NOS1AP: variants seen among roughly 807,000 people sequenced by gnomAD.
NOS1AP encodes carboxyl-terminal PDZ ligand of neuronal nitric oxide synthase protein.
A neutral mutation model predicts 56.2 loss-of-function variants in NOS1AP; 21 were observed. The ratio of observed to expected loss-of-function variants is 0.37; its 90% CI spans 0.26 to 0.54. NOS1AP has a LOEUF of 0.54. NOS1AP is among the 20% of genes least tolerant of loss of function. The pLI, the probability that NOS1AP is intolerant of heterozygous loss-of-function variation, is 0.84. For synonymous variants in NOS1AP, 270 were observed against 274.6 expected (o/e 0.98, Z 0.17); for missense variants, 522 against 657.8 (o/e 0.79, Z 2.26).
chr1:162,264,469 C>CTCTTGT (rs1553200311), intron 2 of NOS1AP, among the ~76,000 whole-genome samples: 2 of 31,844 alleles, frequency 6.3e-5, no homozygotes, highest in Non-Finnish European at 9.1e-5. Flanking sequence ...TCTTCTCCTC[C>CTCTTGT]CCTCCCCTCC....
intron 5 of NOS1AP, among the ~76,000 whole-genome samples, chr1:162,333,906 A>AT (rs1638492821): frequency 6.6e-6 from 1 of 152,126 alleles, no homozygotes; most frequent in African/African-American, 2.4e-5. Context: ...ATGGAATCAT[A>AT]TTTTTTCCAT....
chr1:162,206,050 A>G (rs751750468), intron 2 of NOS1AP, among the ~76,000 whole-genome samples: 2 of 152,134 alleles, frequency 1.3e-5, no homozygotes, highest in Admixed American at 1.3e-4. Flanking sequence ...ATCTTTTCAC[A>G]TTTGGAAAGG....
intron 2 of NOS1AP, among the ~76,000 whole-genome samples, chr1:162,189,127 C>T (rs1035892078): frequency 2.6e-5 from 4 of 152,034 alleles, no homozygotes; most frequent in African/African-American, 4.8e-5. Context: ...TTTGAATTTG[C>T]ATTATAGTAT....
intron 2 of NOS1AP, among the ~76,000 whole-genome samples, chr1:162,236,360 A>T (rs1036087066): frequency 6.6e-6 from 1 of 152,230 alleles, no homozygotes; most frequent in African/African-American, 2.4e-5. Flanking sequence ...TGCTTTACAG[A>T]TACGATCTCA....
At chr1:162,207,105 G>T (rs1652187845) in intron 2 of NOS1AP, among the ~76,000 whole-genome samples, 1 of 152,342 alleles carries the variant, frequency 6.6e-6, no homozygotes, top group East Asian at 1.9e-4. Flanking sequence ...TTTGTTAAAT[G>T]TGCTAGTGAA....
chr1:162,338,227 G>A (rs1302377582), intron 5 of NOS1AP, among the ~76,000 whole-genome samples: 2 of 152,092 alleles, frequency 1.3e-5, no homozygotes, highest in Non-Finnish European at 2.9e-5. Flanking sequence ...TCAAATTTGA[G>A]TACCCAAAAG....
At chr1:162,201,671 TG>T (rs1452544875) in intron 2 of NOS1AP, among the ~76,000 whole-genome samples, 1 of 152,242 alleles carries the variant, frequency 6.6e-6, no homozygotes, top group African/African-American at 2.4e-5. Context: ...TATCTCATTG[TG>T]GTTTTGATTT....
chr1:162,265,229 T>A (rs12735034), intron 2 of NOS1AP, among the ~76,000 whole-genome samples: 1 of 151,848 alleles, frequency 6.6e-6, no homozygotes, highest in African/African-American at 2.4e-5. Context: ...GTTTTCTTTT[T>A]TTTTTTTTAT....
intron 1 of NOS1AP, among the ~76,000 whole-genome samples, chr1:162,076,594 G>A (rs999079596): frequency 2.6e-5 from 4 of 152,158 alleles, no homozygotes; most frequent in African/African-American, 9.7e-5. Flanking sequence ...GGCTGGGCGC[G>A]GTGGCTCACT....
At chr1:162,350,975 CT>C (rs1657471285) in intron 6 of NOS1AP, among the ~76,000 whole-genome samples, 1 of 152,180 alleles carries the variant, frequency 6.6e-6, no homozygotes, top group African/African-American at 2.4e-5. Context: ...CTCTTGATAC[CT>C]TTGCTTTCTG....
At chr1:162,289,526 G>A (rs1160070837) in intron 3 of NOS1AP, among the ~76,000 whole-genome samples, 1 of 139,722 alleles carries the variant, frequency 7.2e-6, no homozygotes, top group African/African-American at 2.7e-5. Flanking sequence ...CCAGGCTGGA[G>A]TGCAGTGGCG....
intron 2 of NOS1AP, among the ~76,000 whole-genome samples, chr1:162,244,901 G>A (rs530439559): frequency 6.6e-6 from 1 of 152,266 alleles, no homozygotes; most frequent in East Asian, 1.9e-4. Flanking sequence ...TCCTGGGCAT[G>A]CATGAGTATA....
At chr1:162,340,535 G>A (rs1657078501) in intron 5 of NOS1AP, among the ~76,000 whole-genome samples, 1 of 152,216 alleles carries the variant, frequency 6.6e-6, no homozygotes, top group South Asian at 2.1e-4. Flanking sequence ...TTGGTGCAGT[G>A]AATTCCATAG....
At chr1:162,199,716 C>T (rs1651929492) in intron 2 of NOS1AP, among the ~76,000 whole-genome samples, 1 of 151,762 alleles carries the variant, frequency 6.6e-6, no homozygotes, top group Non-Finnish European at 1.5e-5. Flanking sequence ...ACAGCCAGTC[C>T]CCAGGTAGTC....
intron 5 of NOS1AP, among the ~76,000 whole-genome samples, chr1:162,337,475 G>A (rs1163804695): frequency 1.3e-5 from 2 of 152,206 alleles, no homozygotes; most frequent in Non-Finnish European, 2.9e-5. Flanking sequence ...GTTAGGGAAA[G>A]AGTCTGTTTT....
intron 2 of NOS1AP, among the ~76,000 whole-genome samples, chr1:162,166,859 A>G (rs1019438748): frequency 1.3e-5 from 2 of 152,126 alleles, no homozygotes; most frequent in African/African-American, 2.4e-5. Context: ...CTGGGCCCAG[A>G]AGGCAGCTAG....
chr1:162,168,620 C>A (rs1007217263), intron 2 of NOS1AP, among the ~76,000 whole-genome samples: 2 of 151,632 alleles, frequency 1.3e-5, no homozygotes, highest in African/African-American at 4.8e-5. Flanking sequence ...TGTCATTGTG[C>A]TGAGGCTTGT....
At chr1:162,123,083 G>T (rs974727613) in intron 1 of NOS1AP, among the ~76,000 whole-genome samples, 1 of 152,132 alleles carries the variant, frequency 6.6e-6, no homozygotes, top group Non-Finnish European at 1.5e-5. Flanking sequence ...TTTCTCCAGT[G>T]CTTATGCCAC....
At chr1:162,337,183 G>C (rs141086353) in intron 5 of NOS1AP, among the ~76,000 whole-genome samples, 1 of 152,196 alleles carries the variant, frequency 6.6e-6, no homozygotes, top group South Asian at 2.1e-4. Context: ...GCATCAGTGC[G>C]TGAAGTGCTG....
Sources: gnomAD v4.1 joint callset for allele counts (sites outside exome capture counted in the v4.1 genomes callset) on GRCh38, gnomAD v4.1.1 for gene constraint, MANE v1.5 for transcripts, NCBI Gene and HGNC (gene_info 2026-07-23, HGNC 2026-07-21) for gene names.